Variants in ALDH3A2 observed in about 807,000 individuals in gnomAD.
ALDH3A2 encodes the protein aldehyde dehydrogenase 3 family member A2.
In ALDH3A2, 36 loss-of-function variants were observed where a neutral mutation model predicts 51.3. That is an observed-to-expected ratio of 0.70 (90% confidence interval 0.54 to 0.93). ALDH3A2 has a LOEUF of 0.93. ALDH3A2 is among the 40% of genes least tolerant of loss of function. ALDH3A2 has a pLI of 0.00. For missense variants in ALDH3A2, 552 were observed against 603.1 expected (o/e 0.92, Z 0.89); for synonymous variants, 199 against 219.8 (o/e 0.91, Z 0.84).
intron 8 of ALDH3A2, among the ~76,000 whole-genome samples, chr17:19,670,302 TATATC>T (rs1218769446): frequency 1.3e-5 from 2 of 152,196 alleles, no homozygotes; most frequent in Non-Finnish European, 2.9e-5. Context: ...GGGAATATGT[TATATC>T]ATCTCTTCAT....
intron 2 of ALDH3A2, 25 bp from the exon 3 acceptor site, chr17:19,652,522 C>G: frequency 1.3e-6 from 2 of 1,552,724 alleles, no homozygotes; most frequent in Non-Finnish European, 1.8e-6. Context: ...TTAGATGATA[C>G]TGTTCTACTT....
Position 19,649,113 on chromosome 17 carries a change from G to T in ALDH3A2, c.142G>T (p.Asp48Tyr), listed in dbSNP as rs1256314442. The change falls in exon 1 of 10, where the codon GAC becomes TAC. Residue 48 changes from aspartate to tyrosine, a missense_variant. Transcript: ENST00000176643. The part of the protein sequence containing the change: ...EKDILTAIAA[D>Y]LCKSEFNVYS... Reference sequence around the variant, plus strand: ...GGATATCCTGACGGCCATCGCCGCCGACCTGTGCAAGGTACGCACGCGTGC... The same window carrying T: ...GGATATCCTGACGGCCATCGCCGCCTACCTGTGCAAGGTACGCACGCGTGC... 3 of 1,573,740 alleles carry T rather than the reference G, an allele frequency of 1.9e-6. No individual in the cohort carries two copies. Among genetic ancestry groups the T allele is most frequent in the Non-Finnish European group, 1.7e-6 (2 of 1,159,900 alleles).
chr17:19,649,100 G>A lies in ALDH3A2; in HGVS notation c.129G>A (p.Thr43=), dbSNP rs762854937. ...AGGAGCGCGAGAAGGATATCCTGAC[G>A]GCCATCGCCGCCGACCTGTGCAAGG... ...MVQEREKDIL[T]AIAADLCKSE... is the part of the protein sequence containing the mutation. The change falls in exon 1 of 10, where the codon ACG becomes ACA. Residue 43 remains threonine, a synonymous_variant. Transcript: ENST00000176643. 2.1e-5 allele frequency: 33 copies of A among 1,577,718 alleles called. No individual in the cohort carries two copies. The highest frequency in any genetic ancestry group is 2.7e-5 in the Non-Finnish European group (31 of 1,162,260).
Position 19,676,085 on chromosome 17 carries a change from ACTC to A in ALDH3A2, c.*521_*523del, listed in dbSNP as rs2085183741. ...ACTCTATGTGGGGAAGGGAGGGGTT[ACTC>A]CTCCTCCAATGGGACTCAAGGACTT... On this transcript the variant is annotated 3_prime_UTR_variant, in exon 10 of 10. Coordinates refer to ENST00000176643, the MANE Select transcript of ALDH3A2 (RefSeq NM_000382.3). 6.1e-6 allele frequency: 1 copy of A among 163,796 alleles called. No individual in the cohort carries two copies. Among genetic ancestry groups the A allele is most frequent in the Non-Finnish European group, 1.3e-5 (1 of 74,870 alleles). The allele number at this position is 163,796 out of a possible 1,614,324, so 10.1% of individuals were successfully genotyped here.
chr17:19,673,642 C>T (rs528311257), intron 9 of ALDH3A2, among the ~76,000 whole-genome samples: 8 of 152,018 alleles, frequency 5.3e-5, no homozygotes, highest in East Asian at 3.9e-4. Context: ...TGCTTTAACC[C>T]GGGAGGCAGA....
chr17:19,671,823 A>C lies in ALDH3A2; in HGVS notation c.1310A>C (p.Lys437Thr). Residue 437 changes from lysine to threonine, a missense_variant, in exon 9 of 10, where the codon AAA becomes ACA. By Grantham distance (78) the Lys-to-Thr change is moderately conservative. Transcript: ENST00000176643. The part of the protein sequence containing the change: ...LKSLKREGAN[K>T]LRYPPNSQSK... ...AGTTTAAAGAGAGAAGGTGCTAACAAACTCAGATATCCTCCCAACAGCCAG... is the reference window on the plus strand; with the variant it reads ...AGTTTAAAGAGAGAAGGTGCTAACACACTCAGATATCCTCCCAACAGCCAG... 6.2e-7 allele frequency: 1 copy of C among 1,614,210 alleles called. No homozygotes were observed.
At position 19,676,338 on chromosome 17, in the gene ALDH3A2, T is replaced by G. The variant is rs938175195; in HGVS notation, c.*766T>G. 1 of 152,222 alleles carries G rather than the reference T, an allele frequency of 6.6e-6. No individual in the cohort carries two copies. The highest frequency in any genetic ancestry group is 2.4e-5 in the African/African-American group (1 of 41,444). 9.4% of individuals were successfully genotyped at this position (152,222 alleles called of 1,614,324 possible). A position where few individuals can be genotyped will look rare whatever the true frequency, so the allele number is the denominator to read the frequency against. Reference sequence around the variant, plus strand: ...TGTTGGAGTTATAGAATTCTACATCTTATAAAACCTAACTGGCATTTAAAA... The same window carrying G: ...TGTTGGAGTTATAGAATTCTACATCGTATAAAACCTAACTGGCATTTAAAA... On this transcript the variant is annotated 3_prime_UTR_variant, in exon 10 of 10. Coordinates refer to ENST00000176643, the MANE Select transcript of ALDH3A2 (RefSeq NM_000382.3).
chr17:19,672,606 G>A (rs2085132647), intron 9 of ALDH3A2, among the ~76,000 whole-genome samples: 1 of 152,190 alleles, frequency 6.6e-6, no homozygotes, highest in Non-Finnish European at 1.5e-5. Flanking sequence ...CGTAATTAAA[G>A]TTAAGATGGA....
chr17:19,651,441 T>A lies in ALDH3A2; in HGVS notation c.154-106T>A, dbSNP rs926230631. On this transcript the variant is annotated intron_variant, in intron 1 of 9. Transcript: ENST00000176643. ...GAATGGCAAACAGCTAGTCTGATAA[T>A]GCCAGTTGTTGTCACTACAGGTGTA... The A allele has an allele frequency of 3.2e-6, 3 of 945,020 alleles. No homozygotes were observed. The African/African-American group carries it at 4.8e-5, about 15-fold the overall frequency. The allele number at this position is 945,020 out of a possible 1,614,324, so 58.5% of individuals were successfully genotyped here. A position where few individuals can be genotyped will look rare whatever the true frequency, so the allele number is the denominator to read the frequency against.
chr17:19,649,711 C>T (rs995271288), intron 1 of ALDH3A2: 1 of 152,276 alleles, frequency 6.6e-6, no homozygotes, highest in Non-Finnish European at 1.5e-5. Flanking sequence ...GGTCAGTTCT[C>T]CTCAAATTTT....
At chr17:19,653,369 C>T (rs2084844912) in intron 3 of ALDH3A2, among the ~76,000 whole-genome samples, 1 of 152,120 alleles carries the variant, frequency 6.6e-6, no homozygotes, top group Non-Finnish European at 1.5e-5. Flanking sequence ...GGTTCTCGGT[C>T]TCACTGACTT....
chr17:19,662,355 A>G (rs896413158), intron 6 of ALDH3A2, among the ~76,000 whole-genome samples: 9 of 152,192 alleles, frequency 5.9e-5, no homozygotes, highest in African/African-American at 1.9e-4. Flanking sequence ...GTGGCAGTTT[A>G]TATACCCCCT....
In ALDH3A2 at chr17:19,656,575, G is replaced by A; in HGVS notation, c.680+1G>A. 2.5e-6 allele frequency: 4 copies of A among 1,608,788 alleles called. No homozygotes were observed. The highest frequency in any genetic ancestry group is 3.4e-6 in the Non-Finnish European group (4 of 1,177,144). On this transcript the variant is annotated splice_donor_variant, in intron 4 of 9. Transcript: ENST00000176643. LOFTEE classifies it high-confidence loss of function. ...ATTGTGACCTGGACATTGTTTGCAG[G>A]TGAGTCTGGCTCTCTGATTTTCTGA...
rs2084867307 is a variant in ALDH3A2 at position 19,654,523 on chromosome 17, G to A, written c.472-1843G>A. Reference sequence around the variant, plus strand: ...TGGCGCTGGTGGGCTGGCATTGCTGGGGGACCCGGGGCACCCTCCTCAGCA... The same window carrying A: ...TGGCGCTGGTGGGCTGGCATTGCTGAGGGACCCGGGGCACCCTCCTCAGCA... On this transcript the variant is annotated intron_variant, in intron 3 of 9. Transcript: ENST00000176643. This position sits in a 1 kb window ranked among gnomAD's most constrained non-coding sequence, Gnocchi z 4.5. Among the ~76,000 whole-genome samples the A allele has an allele frequency of 6.6e-6, 1 of 152,158 alleles. No individual in the cohort carries two copies. Among genetic ancestry groups the A allele is most frequent in the African/African-American group, 2.4e-5 (1 of 41,452 alleles).
Position 19,649,135 on chromosome 17 carries a change from G to T in ALDH3A2, c.153+11G>T. On this transcript the variant is annotated intron_variant, in intron 1 of 9. Transcript: ENST00000176643. ...GCCGACCTGTGCAAGGTACGCACGC[G>T]TGCGGCGGGGTGTGGGGAAACTGGC... The T allele has an allele frequency of 6.4e-7, 1 of 1,554,092 alleles. No homozygotes were observed. Among genetic ancestry groups the T allele is most frequent in the Non-Finnish European group, 8.7e-7 (1 of 1,146,726 alleles).
intron 3 of ALDH3A2, among the ~76,000 whole-genome samples, chr17:19,653,631 C>G (rs1017860551): frequency 6.6e-6 from 1 of 152,106 alleles, no homozygotes; most frequent in Non-Finnish European, 1.5e-5. Context: ...CGTGGTCTCG[C>G]TGGCCTCAGG....
In ALDH3A2 at chr17:19,675,433, A is replaced by G. The variant is rs980293282; in HGVS notation, c.1444-125A>G. ...GGGATATGTAGTCCTTTTTTGTACA[A>G]TGCATGTAGAGTCTCTTCAGACAGG... On this transcript the variant is annotated intron_variant, in intron 9 of 9. Coordinates refer to ENST00000176643, the MANE Select transcript of ALDH3A2 (RefSeq NM_000382.3). 456 of 978,810 alleles carry G rather than the reference A, an allele frequency of 4.7e-4. 3 individuals carry two copies. The highest frequency in any genetic ancestry group is 9.8e-5 in the Non-Finnish European group (59 of 605,078). The allele number at this position is 978,810 out of a possible 1,614,324, so 60.6% of individuals were successfully genotyped here.
At position 19,651,415 on chromosome 17, in the gene ALDH3A2, T is replaced by A. The variant is rs144568191; in HGVS notation, c.154-132T>A. The A allele has an allele frequency of 9.5e-5, 74 of 779,278 alleles. No individual in the cohort carries two copies. The East Asian group carries it at 1.9e-3, about 20-fold the overall frequency. 48.3% of individuals were successfully genotyped at this position (779,278 alleles called of 1,614,324 possible). A position where few individuals can be genotyped will look rare whatever the true frequency, so the allele number is the denominator to read the frequency against. On this transcript the variant is annotated intron_variant, in intron 1 of 9. Coordinates refer to ENST00000176643, the MANE Select transcript of ALDH3A2 (RefSeq NM_000382.3). Reference sequence around the variant, plus strand: ...GGGCGTGAAGGGTGCAAAAGGAGTCTGAATGGCAAACAGCTAGTCTGATAA... The same window carrying A: ...GGGCGTGAAGGGTGCAAAAGGAGTCAGAATGGCAAACAGCTAGTCTGATAA...
intron 4 of ALDH3A2, among the ~76,000 whole-genome samples, chr17:19,657,158 G>A (rs1266583343): frequency 1.3e-5 from 2 of 152,196 alleles, no homozygotes; most frequent in Non-Finnish European, 2.9e-5. Context: ...GAGATTCCAG[G>A]TCAGGGTTCC....
Sources: gnomAD v4.1 joint callset for allele counts (sites outside exome capture counted in the v4.1 genomes callset) on GRCh38, gnomAD v4.1.1 for gene constraint, Gnocchi (gnomAD v3.1) non-coding constraint, MANE v1.5 for transcripts, NCBI Gene and HGNC (gene_info 2026-07-23, HGNC 2026-07-21) for gene names.